The following PPP1R10 variants were observed in gnomAD, a reference collection of about 807,000 sequenced individuals.
The protein encoded by PPP1R10 is protein phosphatase 1 regulatory subunit 10, also known as serine/threonine-protein phosphatase 1 regulatory subunit 10.
PPP1R10 carries 15 observed loss-of-function variants against 99.0 expected under a neutral mutation model. That is an observed-to-expected ratio of 0.15 (90% CI 0.10 to 0.23). The LOEUF (loss-of-function observed/expected upper bound fraction) is 0.23. Ranked by LOEUF, PPP1R10 falls within the 10% of genes least tolerant of loss-of-function variation. The pLI is 1.00. For missense variants in PPP1R10, 947 were observed against 1,259.4 expected, an observed-to-expected ratio of 0.75 and a Z score of 3.75; for synonymous variants, 430 against 449.5, an observed-to-expected ratio of 0.96 and a Z score of 0.55.
rs115618392 is a variant in PPP1R10, at chr6:30,606,294, G to A, written c.635-51C>T. 6.6e-3 allele frequency: 10,516 copies of A among 1,597,504 alleles called. 142 individuals carry two copies. The highest frequency in any genetic ancestry group is 0.034 in the Middle Eastern group (178 of 5,290). On this transcript the variant is annotated intron_variant, in intron 8 of 19. Coordinates refer to ENST00000376511, the MANE Select transcript of PPP1R10 (RefSeq NM_002714.4). This position sits in a 1 kb window ranked among gnomAD's most constrained non-coding sequence, Gnocchi z 6.3. ...AGCTGAACTCAAACCCCAGACCCCC[G>A]AATTTTCCTCCCGTTCTCACCCGCA...
rs1286945673 is a variant in PPP1R10, at chr6:30,609,098, C to T, written c.173G>A (p.Arg58His). Residue 58 changes from arginine to histidine, a missense_variant, in exon 4 of 20, where the codon CGT becomes CAT. Physicochemically the swap from Arg to His is conservative, Grantham distance 29. Around this residue, in one of 10 missense-constraint regions of PPP1R10, gnomAD observed 82 missense variants for 117.3 expected, o/e 0.70. Coordinates refer to ENST00000376511, the MANE Select transcript of PPP1R10 (RefSeq NM_002714.4). This position sits in a 1 kb window ranked among gnomAD's most constrained non-coding sequence, Gnocchi z 4.5. ...CTYLNILLQT[R>H]SPEILVKFID... Reference sequence around the variant, plus strand: ...TTACTTGACCAATATTTCTGGTGAACGGGTCTGCAGGAGAATGTTCAAGTA... The same window carrying T: ...TTACTTGACCAATATTTCTGGTGAATGGGTCTGCAGGAGAATGTTCAAGTA... 5.0e-6 allele frequency: 8 copies of T among 1,613,798 alleles called. No individual in the cohort carries two copies. The highest frequency in any genetic ancestry group is 4.0e-5 in the African/African-American group (3 of 74,904).
Position 30,606,519 on chromosome 6 carries a change from G to A in PPP1R10, c.583C>T (p.Pro195Ser). 6.2e-7 allele frequency: 1 copy of A among 1,613,848 alleles called. No individual in the cohort carries two copies. Among genetic ancestry groups the A allele is most frequent in the Non-Finnish European group, 8.5e-7 (1 of 1,180,038 alleles). Reference protein sequence around the residue: ...EEAPEKKREKPKSLRTTAPSH... With the variant: ...EEAPEKKREKSKSLRTTAPSH... ...GGTGCTGTGGTGCGAAGAGACTTGG[G>A]CTTCTCCCTCTTCTTCTCTGGGGCC... The change falls in exon 8 of 20, where the codon CCC (proline) becomes TCC (serine). Residue 195 changes from proline (P) to serine (S), a missense_variant. Transcript: ENST00000376511. The surrounding 1 kb of genome is among the most constrained non-coding windows in gnomAD (Gnocchi z 6.3).
intron 1 of PPP1R10, 53 bp from the exon 2 acceptor site, chr6:30,617,051 A>T (rs1180192926): frequency 1.3e-5 from 2 of 152,446 alleles, no homozygotes; most frequent in Non-Finnish European, 2.9e-5. Flanking sequence ...GGGTTGCTTC[A>T]AAACACTCAC....
chr6:30,609,152 T>C lies in PPP1R10; in HGVS notation c.119A>G (p.Glu40Gly). The C allele has an allele frequency of 6.2e-7, 1 of 1,613,224 alleles. No homozygotes were observed. The highest frequency in any genetic ancestry group is 8.5e-7 in the Non-Finnish European group (1 of 1,180,028). The change falls in exon 4 of 20, where the codon GAA (glutamate) becomes GGA (glycine). Residue 40 changes from glutamate to glycine, a missense_variant. This residue lies in a region of PPP1R10 where 82 missense variants were observed against 117.3 expected (regional missense o/e 0.70). Transcript: ENST00000376511. This position sits in a 1 kb window ranked among gnomAD's most constrained non-coding sequence, Gnocchi z 4.5. ...GCATCGACTCACCATCTTTCGTGCT[T>C]CCTTCATCAAACTGCAGAAGATGAG... ...GISKIFSLMK[E>G]ARKMVSRCTY... is the part of the protein sequence containing the mutation.
At chr6:30,613,540 C>T (rs190036624) in intron 2 of PPP1R10, among the ~76,000 whole-genome samples, 1 of 152,188 alleles carries the variant, frequency 6.6e-6, no homozygotes, top group African/African-American at 2.4e-5. Flanking sequence ...TAAGCCCCTA[C>T]CCCTCAGTCA....
intron 2 of PPP1R10, among the ~76,000 whole-genome samples, chr6:30,611,215 G>A (rs532824306): frequency 3.3e-5 from 5 of 152,274 alleles, no homozygotes; most frequent in African/African-American, 4.8e-5. Flanking sequence ...GTGGGAAAAC[G>A]GGAGGACTGC....
In PPP1R10 at chr6:30,601,597, G is replaced by T. The variant is rs1408861135; in HGVS notation, c.2775C>A (p.Asn925Lys). 6.2e-7 allele frequency: 1 copy of T among 1,614,012 alleles called. No individual in the cohort carries two copies. Among genetic ancestry groups the T allele is most frequent in the African/African-American group, 1.3e-5 (1 of 74,906 alleles). Residue 925 changes from asparagine (N) to lysine (K), a missense_variant, in exon 20 of 20, where the codon AAC becomes AAA. This residue lies in a region of PPP1R10 where 17 missense variants were observed against 46.4 expected (regional missense o/e 0.37). Transcript: ENST00000376511. ...FMMKGNCRYE[N>K]NCAFYHPGVN... is the part of the protein sequence containing the mutation. ...CACCCGGGTGGTAGAAGGCACAGTT[G>T]TTCTCATAGCGGCAGTTGCCCTTCA... is the stretch of plus-strand genomic sequence containing the variant.
At position 30,604,645 on chromosome 6, in the gene PPP1R10, C is replaced by T. The variant is rs748872079; in HGVS notation, c.1045G>A (p.Ala349Thr). Residue 349 changes from alanine to threonine, a missense_variant, in exon 12 of 20, where the codon GCA becomes ACA. By Grantham distance (58) the Ala-to-Thr change is moderately conservative (BLOSUM62 0). This residue lies in a region of PPP1R10 where 100 missense variants were observed against 105.8 expected (regional missense o/e 0.94). Transcript: ENST00000376511. The surrounding 1 kb of genome is among the most constrained non-coding windows in gnomAD (Gnocchi z 7.3). ...EPAPPSEAMDADRPGTPVPPV... is the reference protein window; with the variant it reads ...EPAPPSEAMDTDRPGTPVPPV... ...GGAACCGGGGTGCCTGGACGGTCTG[C>T]GTCCATTGCCTCAGAAGGTGGTGCT... is the stretch of plus-strand genomic sequence containing the variant. 8 of 1,613,100 alleles carry T rather than the reference C, an allele frequency of 5.0e-6. No individual in the cohort carries two copies. Among genetic ancestry groups the T allele is most frequent in the East Asian group, 4.5e-5 (2 of 44,894 alleles).
Position 30,602,117 on chromosome 6 carries a change from TCCA to T in PPP1R10, c.2529_2531del (p.Gly844del). On this transcript the variant is annotated inframe_deletion, in exon 19 of 20. Transcript: ENST00000376511. This position sits in a 1 kb window ranked among gnomAD's most constrained non-coding sequence, Gnocchi z 6.7. Reference sequence around the variant, plus strand: ...GTCCAGGGCCTTCATGGGGACGATGTCCACCACTTCCACCCATGCTTCCGCCAG... The same window carrying T: ...GTCCAGGGCCTTCATGGGGACGATGTCCACTTCCACCCATGCTTCCGCCAG... The T allele has an allele frequency of 1.2e-6, 2 of 1,605,024 alleles. No individual in the cohort carries two copies. Among genetic ancestry groups the T allele is most frequent in the Non-Finnish European group, 1.7e-6 (2 of 1,175,402 alleles).
Position 30,601,241 on chromosome 6 carries a change from G to A in PPP1R10, c.*308C>T. ...CCAGCTTTAGGTTCTCAAGCATTAAGGGTAATACTGGAAAGGGGTTTGGGG... is the reference window on the plus strand; with the variant it reads ...CCAGCTTTAGGTTCTCAAGCATTAAAGGTAATACTGGAAAGGGGTTTGGGG... On this transcript the variant is annotated 3_prime_UTR_variant, in exon 20 of 20. Transcript: ENST00000376511. 2.5e-6 allele frequency: 1 copy of A among 407,454 alleles called. No homozygotes were observed. Among genetic ancestry groups the A allele is most frequent in the Non-Finnish European group, 4.4e-6 (1 of 225,754 alleles). The allele number at this position is 407,454 out of a possible 1,614,324, so 25.2% of individuals were successfully genotyped here.
rs374779420 is a variant in PPP1R10 at position 30,603,245 on chromosome 6, T to G, written c.1808A>C (p.Gln603Pro). 3.1e-6 allele frequency: 5 copies of G among 1,613,808 alleles called. No homozygotes were observed. The highest frequency in any genetic ancestry group is 4.2e-6 in the Non-Finnish European group (5 of 1,179,820). ...CTTGATCTTGTCCGAATAGTCTGGT[T>G]GTTTCAGTAGTTCCTCTGAAGGATG... is the stretch of plus-strand genomic sequence containing the variant. ...NSHPSEELLK[Q>P]PDYSDKIKQM... Residue 603 changes from glutamine (Q) to proline (P), a missense_variant, in exon 17 of 20, where the codon CAA becomes CCA. This residue lies in a region of PPP1R10 where 525 missense variants were observed against 578.8 expected (regional missense o/e 0.91). Coordinates refer to ENST00000376511, the MANE Select transcript of PPP1R10 (RefSeq NM_002714.4).
chr6:30,601,791 G>C (rs1409620252), intron 19 of PPP1R10, 133 bp from the exon 20 acceptor site: 7 of 1,284,356 alleles, frequency 5.5e-6, no homozygotes, highest in Non-Finnish European at 7.5e-6. Context: ...AGGGCATAGA[G>C]TAGGAACTGC....
At chr6:30,615,921 G>A (rs989505842) in intron 2 of PPP1R10, among the ~76,000 whole-genome samples, 2 of 152,042 alleles carry the variant, frequency 1.3e-5, no homozygotes, top group Non-Finnish European at 2.9e-5. Flanking sequence ...AAATTGAGAG[G>A]ATTTAACAGT....
In PPP1R10 at chr6:30,601,453, G is replaced by T. The variant is rs1803302873; in HGVS notation, c.*96C>A. On this transcript the variant is annotated 3_prime_UTR_variant, in exon 20 of 20. Coordinates refer to ENST00000376511, the MANE Select transcript of PPP1R10 (RefSeq NM_002714.4). ...GGGGGCCGGCTCCTCATCAGCTGGG[G>T]AAAAGGGAAAATGGGCCTCACAGAA... The T allele has an allele frequency of 9.1e-7, 1 of 1,097,914 alleles. No individual in the cohort carries two copies. The highest frequency in any genetic ancestry group is 1.3e-6 in the Non-Finnish European group (1 of 747,620). The allele number at this position is 1,097,914 out of a possible 1,614,324, so 68.0% of individuals were successfully genotyped here.
In PPP1R10 at chr6:30,603,297, TAAG is replaced by T. The variant is rs1803568091; in HGVS notation, c.1768-15_1768-13del. 3.1e-6 allele frequency: 5 copies of T among 1,608,126 alleles called. No homozygotes were observed. Among genetic ancestry groups the T allele is most frequent in the African/African-American group, 2.7e-5 (2 of 74,734 alleles). Reference sequence around the variant, plus strand: ...CTGTTTGGGCTACCCTGTGAGGATGTAAGAAGGCAAAGTCAACAGACAGAAAGG... The same window carrying T: ...CTGTTTGGGCTACCCTGTGAGGATGTAAGGCAAAGTCAACAGACAGAAAGG... On this transcript the variant is annotated splice_polypyrimidine_tract_variant and intron_variant, in intron 16 of 19. Coordinates refer to ENST00000376511, the MANE Select transcript of PPP1R10 (RefSeq NM_002714.4).
At chr6:30,611,844 AAGG>A (rs1221408108) in intron 2 of PPP1R10, among the ~76,000 whole-genome samples, 2 of 152,194 alleles carry the variant, frequency 1.3e-5, no homozygotes, top group East Asian at 1.9e-4. Context: ...AAAAACATTC[AAGG>A]AGAATACTGG....
At chr6:30,603,157 A>G in intron 17 of PPP1R10, 53 bp downstream of exon 17, 3 of 1,549,920 alleles carry the variant, frequency 1.9e-6, no homozygotes, top group Non-Finnish European at 2.7e-6. Flanking sequence ...GCTTCCCCCA[A>G]CTCCACTGCA....
intron 4 of PPP1R10, 77 bp from the exon 5 acceptor site, chr6:30,608,991 C>G: frequency 6.2e-7 from 1 of 1,610,966 alleles, no homozygotes; most frequent in Non-Finnish European, 8.5e-7. Flanking sequence ...ATCCCAGTCT[C>G]CCATCAATGA....
Position 30,606,421 on chromosome 6 carries a change from G to C in PPP1R10, c.634+47C>G. ...AAATGATTCCCCCATAAGGCTCTGG[G>C]TGTGCACATGCCCATGAACCCTCCA... On this transcript the variant is annotated intron_variant, in intron 8 of 19. Coordinates refer to ENST00000376511, the MANE Select transcript of PPP1R10 (RefSeq NM_002714.4). This position sits in a 1 kb window ranked among gnomAD's most constrained non-coding sequence, Gnocchi z 6.3. 1 of 1,605,230 alleles carries C rather than the reference G, an allele frequency of 6.2e-7. No individual in the cohort carries two copies. The highest frequency in any genetic ancestry group is 8.5e-7 in the Non-Finnish European group (1 of 1,175,030).
Sources: gnomAD v4.1 joint callset for allele counts (sites outside exome capture counted in the v4.1 genomes callset) on GRCh38, gnomAD v4.1.1 for gene constraint, gnomAD v4.1.1 regional missense constraint, Gnocchi (gnomAD v3.1) non-coding constraint, MANE v1.5 for transcripts, NCBI Gene and HGNC (gene_info 2026-07-23, HGNC 2026-07-21) for gene names.